Variants in HPCA observed in about 807,000 individuals in gnomAD.
HPCA encodes the protein hippocalcin, also known as neuron-specific calcium-binding protein hippocalcin.
In HPCA, 4 loss-of-function variants were observed where a neutral mutation model predicts 18.2. The observed-to-expected ratio is 0.22, with a 90% confidence interval of 0.11 to 0.50. The LOEUF (loss-of-function observed/expected upper bound fraction) is 0.50, where lower values mean the gene tolerates loss of function less well. HPCA is among the 20% of genes least tolerant of loss of function. The pLI, the probability that HPCA is intolerant of heterozygous loss-of-function variation, is 0.97. For missense variants in HPCA, 161 were observed against 265.8 expected (o/e 0.61, Z 2.74); for synonymous variants, 93 against 103.5 (o/e 0.90, Z 0.61).
In HPCA at chr1:32,893,662, G is replaced by C. The variant is rs777345595; in HGVS notation, c.484+33G>C. On this transcript the variant is annotated intron_variant, in intron 3 of 3. Coordinates refer to ENST00000373467, the MANE Select transcript of HPCA (RefSeq NM_002143.3). This position sits in a 1 kb window ranked among gnomAD's most constrained non-coding sequence, Gnocchi z 7.5. ...GCAGGGGCGGGACGGGGTGGACGGG[G>C]CGGGCGCCTTTCCCTCCCTCCCTCC... is the stretch of plus-strand genomic sequence containing the variant. 5 of 1,557,556 alleles carry C rather than the reference G, an allele frequency of 3.2e-6. No individual in the cohort carries two copies. Among genetic ancestry groups the C allele is most frequent in the Non-Finnish European group, 4.4e-6 (5 of 1,131,238 alleles).
At position 32,893,868 on chromosome 1, in the gene HPCA, G is replaced by C. The variant is rs1302615518; in HGVS notation, c.*6G>C. ...GCAGCGCCTCCCAGTTCTGAGAGGA[G>C]CCAGGTTCCCCTTCCTCCCTCCCTT... On this transcript the variant is annotated 3_prime_UTR_variant, in exon 4 of 4. Transcript: ENST00000373467. This position sits in a 1 kb window ranked among gnomAD's most constrained non-coding sequence, Gnocchi z 7.5. The C allele has an allele frequency of 1.4e-5, 21 of 1,553,128 alleles. No homozygotes were observed. Among genetic ancestry groups the C allele is most frequent in the Admixed American group, 3.9e-5 (2 of 51,836 alleles).
At chr1:32,891,462 G>A (rs1641452422) in intron 2 of HPCA, among the ~76,000 whole-genome samples, 1 of 152,128 alleles carries the variant, frequency 6.6e-6, no homozygotes, top group Non-Finnish European at 1.5e-5. Flanking sequence ...AGATGTGTAG[G>A]TCACACTGAC....
rs766746598 is a variant in HPCA, at chr1:32,888,921, T to C, written c.23T>C (p.Leu8Pro). The C allele has an allele frequency of 6.2e-7, 1 of 1,613,058 alleles. No homozygotes were observed. Among genetic ancestry groups the C allele is most frequent in the East Asian group, 2.2e-5 (1 of 44,870 alleles). ...GCCATGGGCAAGCAGAACAGCAAGC[T>C]GCGGCCCGAGATGTTGCAGGACCTG... MGKQNSK[L>P]RPEMLQDLRE... Residue 8 changes from leucine (L) to proline (P), a missense_variant, in exon 2 of 4, where the codon CTG (leucine) becomes CCG (proline). Physicochemically the swap from Leu to Pro is moderately conservative, Grantham distance 98. Coordinates refer to ENST00000373467, the MANE Select transcript of HPCA (RefSeq NM_002143.3).
At chr1:32,888,670 G>A (rs1335111710) in intron 1 of HPCA, among the ~76,000 whole-genome samples, 1 of 152,202 alleles carries the variant, frequency 6.6e-6, no homozygotes, top group East Asian at 1.9e-4. Flanking sequence ...TCCCAGGAAA[G>A]CGTATGGTCC....
At chr1:32,890,766 C>T (rs1641440974) in intron 2 of HPCA, among the ~76,000 whole-genome samples, 1 of 152,230 alleles carries the variant, frequency 6.6e-6, no homozygotes, top group Non-Finnish European at 1.5e-5. Context: ...GCCCCAGCCA[C>T]TGCTGGACTC....
At position 32,893,706 on chromosome 1, in the gene HPCA, C is replaced by A; in HGVS notation, c.485-59C>A. 1 of 1,428,212 alleles carries A rather than the reference C, an allele frequency of 7.0e-7. No homozygotes were observed. 88.5% of individuals were successfully genotyped at this position (1,428,212 alleles called of 1,614,324 possible). On this transcript the variant is annotated intron_variant, in intron 3 of 3. Transcript: ENST00000373467. This position sits in a 1 kb window ranked among gnomAD's most constrained non-coding sequence, Gnocchi z 7.5. ...TCCCTCCCTGCCTCCCTTTCCCGCT[C>A]CGCCTCCCCTCGCTAGGCTGCCGCC...
rs1399717698 is a variant in HPCA at position 32,893,215 on chromosome 1, C to G, written c.379-309C>G. On this transcript the variant is annotated intron_variant, in intron 2 of 3. Coordinates refer to ENST00000373467, the MANE Select transcript of HPCA (RefSeq NM_002143.3). This position sits in a 1 kb window ranked among gnomAD's most constrained non-coding sequence, Gnocchi z 7.5. Reference sequence around the variant, plus strand: ...CGCTCCAGGCCCTCCACTGTCGGGCCCCGGTGTCCTCCAACATCTCTCCTG... The same window carrying G: ...CGCTCCAGGCCCTCCACTGTCGGGCGCCGGTGTCCTCCAACATCTCTCCTG... 6.6e-6 allele frequency among the ~76,000 whole-genome samples: 1 copy of G among 152,074 alleles called. No individual in the cohort carries two copies. Among genetic ancestry groups the G allele is most frequent in the African/African-American group, 2.4e-5 (1 of 41,412 alleles).
intron 2 of HPCA, among the ~76,000 whole-genome samples, chr1:32,891,162 C>T (rs745792370): frequency 1.3e-5 from 2 of 152,238 alleles, no homozygotes; most frequent in Non-Finnish European, 2.9e-5. Context: ...TTTCTGGTGG[C>T]CTCTGCTATC....
chr1:32,890,744 C>G (rs998015971), intron 2 of HPCA, among the ~76,000 whole-genome samples: 8 of 152,222 alleles, frequency 5.3e-5, no homozygotes, highest in Admixed American at 2.6e-4. Flanking sequence ...TCCCTCAGCT[C>G]CACAGACTGC....
chr1:32,888,200 G>A (rs1641402468), intron 1 of HPCA, among the ~76,000 whole-genome samples: 1 of 152,314 alleles, frequency 6.6e-6, no homozygotes, highest in East Asian at 1.9e-4. Flanking sequence ...AAGGCAGAGA[G>A]AGTTTAAGGA....
Position 32,893,654 on chromosome 1 carries a change from T to C in HPCA, c.484+25T>C, listed in dbSNP as rs890774466. The stretch of plus-strand genomic sequence containing the variant: ...GGTGAGGGGCAGGGGCGGGACGGGG[T>C]GGACGGGGCGGGCGCCTTTCCCTCC... On this transcript the variant is annotated intron_variant, in intron 3 of 3. Coordinates refer to ENST00000373467, the MANE Select transcript of HPCA (RefSeq NM_002143.3). The surrounding 1 kb of genome is among the most constrained non-coding windows in gnomAD (Gnocchi z 7.5). The C allele has an allele frequency of 1.4e-6, 2 of 1,443,698 alleles. No individual in the cohort carries two copies. 89.4% of individuals were successfully genotyped at this position (1,443,698 alleles called of 1,614,324 possible). A position where few individuals can be genotyped will look rare whatever the true frequency, so the allele number is the denominator to read the frequency against.
At position 32,893,357 on chromosome 1, in the gene HPCA, G is replaced by A. The variant is rs1182158189; in HGVS notation, c.379-167G>A. ...GCCCTCTCTTCTGGGAGGCCTTCCC[G>A]GACACGCCTTCCCGAAGCCCTCGGC... On this transcript the variant is annotated intron_variant, in intron 2 of 3. Transcript: ENST00000373467. This position sits in a 1 kb window ranked among gnomAD's most constrained non-coding sequence, Gnocchi z 7.5. Among the ~76,000 whole-genome samples the A allele has an allele frequency of 2.0e-5, 3 of 152,170 alleles. No individual in the cohort carries two copies. Among genetic ancestry groups the A allele is most frequent in the African/African-American group, 7.2e-5 (3 of 41,432 alleles).
In HPCA at chr1:32,889,025, C is replaced by G; in HGVS notation, c.127C>G (p.Leu43Val). ...CCTCAAGGACTGCCCCACAGGAATC[C>G]TCAATGTGGATGAGTTCAAGAAGAT... ...GFLKDCPTGILNVDEFKKIYA... is the reference protein window; with the variant it reads ...GFLKDCPTGIVNVDEFKKIYA... The change falls in exon 2 of 4, where the codon CTC becomes GTC. Residue 43 changes from leucine (L) to valine (V), a missense_variant. Transcript: ENST00000373467. The surrounding 1 kb of genome is among the most constrained non-coding windows in gnomAD (Gnocchi z 4.6). 1 of 1,614,172 alleles carries G rather than the reference C, an allele frequency of 6.2e-7. No individual in the cohort carries two copies. Among genetic ancestry groups the G allele is most frequent in the Non-Finnish European group, 8.5e-7 (1 of 1,180,024 alleles).
In HPCA at chr1:32,893,547, C is replaced by G. The variant is rs1346607304; in HGVS notation, c.402C>G (p.Ser134=). 2 of 1,612,876 alleles carry G rather than the reference C, an allele frequency of 1.2e-6. No individual in the cohort carries two copies. Among genetic ancestry groups the G allele is most frequent in the Non-Finnish European group, 1.7e-6 (2 of 1,179,422 alleles). The change falls in exon 3 of 4, where the codon TCC becomes TCG. Residue 134 remains serine (S), a synonymous_variant. Coordinates refer to ENST00000373467, the MANE Select transcript of HPCA (RefSeq NM_002143.3). The surrounding 1 kb of genome is among the most constrained non-coding windows in gnomAD (Gnocchi z 7.5). ...IVQAIYKMVS[S]VMKMPEDEST... ...AGGCCATTTACAAGATGGTTTCGTC[C>G]GTGATGAAGATGCCGGAGGACGAGT...
Position 32,894,614 on chromosome 1 carries a change from A to T in HPCA, c.*752A>T. The T allele has an allele frequency of 3.2e-6, 2 of 634,396 alleles. No homozygotes were observed. The highest frequency in any genetic ancestry group is 2.5e-6 in the Non-Finnish European group (1 of 405,704). 39.3% of individuals were successfully genotyped at this position (634,396 alleles called of 1,614,324 possible). On this transcript the variant is annotated 3_prime_UTR_variant, in exon 4 of 4. Transcript: ENST00000373467. ...CAAATGGAGCATCTCTGTTCTTTTT[A>T]ATAATTTCAGAATAAAGTCTCATTT...
intron 2 of HPCA, among the ~76,000 whole-genome samples, chr1:32,891,161 G>A (rs979608988): frequency 6.6e-6 from 1 of 152,356 alleles, no homozygotes; most frequent in African/African-American, 2.4e-5. Flanking sequence ...CTTTCTGGTG[G>A]CCTCTGCTAT....
Position 32,889,003 on chromosome 1 carries a change from C to G in HPCA, c.105C>G (p.Leu35=). The G allele has an allele frequency of 6.2e-7, 1 of 1,614,200 alleles. No homozygotes were observed. Among genetic ancestry groups the G allele is most frequent in the Non-Finnish European group, 8.5e-7 (1 of 1,180,030 alleles). ...LELQEWYKGF[L]KDCPTGILNV... is the part of the protein sequence containing the mutation. ...TGCAGGAGTGGTACAAGGGCTTCCT[C>G]AAGGACTGCCCCACAGGAATCCTCA... Residue 35 remains leucine, a synonymous_variant, in exon 2 of 4, where the codon CTC becomes CTG. Coordinates refer to ENST00000373467, the MANE Select transcript of HPCA (RefSeq NM_002143.3). This position sits in a 1 kb window ranked among gnomAD's most constrained non-coding sequence, Gnocchi z 4.6.
At chr1:32,886,298 G>C (rs977144615), upstream of HPCA, 4 of 152,106 alleles carry the variant, frequency 2.6e-5, no homozygotes, top group African/African-American at 7.2e-5. This position sits in a 1 kb window ranked among gnomAD's most constrained non-coding sequence, Gnocchi z 7.0. Flanking sequence ...CCGGGGAACT[G>C]AGGGCGTCCC....
At chr1:32,890,478 G>A (rs1641436926) in intron 2 of HPCA, among the ~76,000 whole-genome samples, 1 of 152,226 alleles carries the variant, frequency 6.6e-6, no homozygotes, top group African/African-American at 2.4e-5. Context: ...TAAAGTGGGG[G>A]TGTTAATCCC....
Sources: allele counts gnomAD v4.1 joint callset (sites outside exome capture counted in the v4.1 genomes callset), GRCh38; gene constraint gnomAD v4.1.1; non-coding constraint Gnocchi (gnomAD v3.1); transcripts MANE v1.5; gene names NCBI Gene and HGNC (gene_info 2026-07-23, HGNC 2026-07-21).